Variants in PALS2 observed in about 807,000 individuals in gnomAD.
PALS2 encodes the protein protein PALS2.
PALS2 carries 27 observed loss-of-function variants against 61.6 expected under a neutral mutation model. The ratio of observed to expected loss-of-function variants is 0.44; its 90% CI spans 0.32 to 0.60. The LOEUF is 0.60. PALS2 is among the 20% of genes least tolerant of loss of function. The pLI, the probability that PALS2 is intolerant of heterozygous loss-of-function variation, is 0.05. For synonymous variants in PALS2, 236 were observed against 218.6 expected (o/e 1.08, Z -0.70); for missense variants, 554 against 639.4 (o/e 0.87, Z 1.44).
At chr7:24,662,928 CT>C (rs1262517165) in intron 5 of PALS2, among the ~76,000 whole-genome samples, 1 of 152,068 alleles carries the variant, frequency 6.6e-6, no homozygotes. Flanking sequence ...ACAGTGTTAA[CT>C]GACATACTTT....
intron 6 of PALS2, among the ~76,000 whole-genome samples, chr7:24,664,685 AC>A (rs2128087138): frequency 6.6e-6 from 1 of 152,276 alleles, no homozygotes; most frequent in East Asian, 1.9e-4. Flanking sequence ...ATGTGTTGAG[AC>A]AGCTAAGAAA....
chr7:24,578,593 A>G (rs867463162), intron 1 of PALS2, among the ~76,000 whole-genome samples: 1 of 152,182 alleles, frequency 6.6e-6, no homozygotes, highest in Non-Finnish European at 1.5e-5. Context: ...CTCTTGCTGC[A>G]GAGGACCACT....
chr7:24,657,961 T>C (rs2128083207), intron 5 of PALS2, among the ~76,000 whole-genome samples: 1 of 152,264 alleles, frequency 6.6e-6, no homozygotes, highest in South Asian at 2.1e-4. Context: ...AAAGACTATT[T>C]CTTTCATCAA....
chr7:24,632,495 G>T (rs1330614964), intron 2 of PALS2, among the ~76,000 whole-genome samples: 1 of 152,106 alleles, frequency 6.6e-6, no homozygotes, highest in African/African-American at 2.4e-5. Context: ...CGATTCCCTG[G>T]TTCAAGCAAT....
chr7:24,675,425 T>C (rs944164892), intron 9 of PALS2, among the ~76,000 whole-genome samples: 1 of 151,494 alleles, frequency 6.6e-6, no homozygotes, highest in Non-Finnish European at 1.5e-5. Context: ...AGTTTTAGGG[T>C]ACATGTGCAC....
chr7:24,688,720 A>G lies in PALS2; in HGVS notation c.*1106A>G, dbSNP rs1054124569. Reference sequence around the variant, plus strand: ...TATTTTGTATACATACACACAAAATATATACATTATATAATATGTATATTA... The same window carrying G: ...TATTTTGTATACATACACACAAAATGTATACATTATATAATATGTATATTA... On this transcript the variant is annotated 3_prime_UTR_variant, in exon 12 of 12. Coordinates refer to ENST00000222644, the MANE Select transcript of PALS2 (RefSeq NM_001303037.2). 1 of 149,920 alleles carries G rather than the reference A, an allele frequency of 6.7e-6. No individual in the cohort carries two copies. Among genetic ancestry groups the G allele is most frequent in the Non-Finnish European group, 1.5e-5 (1 of 67,572 alleles). 9.3% of individuals were successfully genotyped at this position (149,920 alleles called of 1,614,324 possible). A position where few individuals can be genotyped will look rare whatever the true frequency, so the allele number is the denominator to read the frequency against.
At chr7:24,676,440 A>G (rs1787598682) in intron 9 of PALS2, among the ~76,000 whole-genome samples, 1 of 151,980 alleles carries the variant, frequency 6.6e-6, no homozygotes, top group Non-Finnish European at 1.5e-5. Flanking sequence ...TTAGACATGA[A>G]GTGCTTGCCC....
intron 1 of PALS2, among the ~76,000 whole-genome samples, chr7:24,589,943 G>A (rs1448415164): frequency 1.3e-5 from 2 of 152,124 alleles, no homozygotes; most frequent in African/African-American, 4.8e-5. Flanking sequence ...ACACTACTCA[G>A]TGTTTAGTGT....
chr7:24,643,992 G>A (rs1356683551), intron 3 of PALS2, among the ~76,000 whole-genome samples: 1 of 151,318 alleles, frequency 6.6e-6, no homozygotes, highest in Non-Finnish European at 1.5e-5. Context: ...GTAATCAATT[G>A]TGTTTTTATC....
chr7:24,575,042 A>G (rs569223296), intron 1 of PALS2, among the ~76,000 whole-genome samples: 1 of 152,140 alleles, frequency 6.6e-6, no homozygotes, highest in Non-Finnish European at 1.5e-5. Context: ...CCTTAAATCT[A>G]TCATATATTT....
At chr7:24,614,275 T>G (rs996382776) in intron 1 of PALS2, among the ~76,000 whole-genome samples, 1 of 151,932 alleles carries the variant, frequency 6.6e-6, no homozygotes, top group Non-Finnish European at 1.5e-5. Context: ...TTTTCAGTTA[T>G]TATAAATATA....
intron 3 of PALS2, among the ~76,000 whole-genome samples, chr7:24,645,716 C>T (rs1252013566): frequency 1.3e-5 from 2 of 152,130 alleles, no homozygotes; most frequent in Non-Finnish European, 2.9e-5. Context: ...GCAGTGTAGC[C>T]ATTTTAATAA....
intron 3 of PALS2, among the ~76,000 whole-genome samples, chr7:24,643,819 T>G (rs570690513): frequency 6.6e-6 from 1 of 152,256 alleles, no homozygotes; most frequent in African/African-American, 2.4e-5. Flanking sequence ...AGTTGATGAT[T>G]CAAGTTGATT....
intron 1 of PALS2, among the ~76,000 whole-genome samples, chr7:24,585,988 A>G (rs1783051618): frequency 6.6e-6 from 1 of 152,184 alleles, no homozygotes; most frequent in Non-Finnish European, 1.5e-5. Flanking sequence ...AAAAAGAGCA[A>G]CTTAGAATTT....
chr7:24,578,900 G>C lies in PALS2; in HGVS notation c.-3+5307G>C, dbSNP rs535118145. Among the ~76,000 whole-genome samples the C allele has an allele frequency of 3.9e-5, 6 of 152,228 alleles. 1 individual carries two copies. In the South Asian group the frequency reaches 1.2e-3, roughly 32 times the overall value. Reference sequence around the variant, plus strand: ...GTATCTGAAAAGCACTCTTCCTGGAGATATAGAAAAGAAATGTGATATCTT... The same window carrying C: ...GTATCTGAAAAGCACTCTTCCTGGACATATAGAAAAGAAATGTGATATCTT... On this transcript the variant is annotated intron_variant, in intron 1 of 11. Coordinates refer to ENST00000222644, the MANE Select transcript of PALS2 (RefSeq NM_001303037.2).
chr7:24,581,595 C>G (rs1344877515), intron 1 of PALS2, among the ~76,000 whole-genome samples: 1 of 152,166 alleles, frequency 6.6e-6, no homozygotes. Context: ...GCTGAACAAT[C>G]TCCAGGAATA....
At chr7:24,675,553 C>T (rs573758699) in intron 9 of PALS2, among the ~76,000 whole-genome samples, 2 of 118,096 alleles carry the variant, frequency 1.7e-5, no homozygotes, top group Non-Finnish European at 1.7e-5. Context: ...CCCCCCACCC[C>T]ACAACAGTCC....
At chr7:24,580,214 A>G (rs1356902721) in intron 1 of PALS2, among the ~76,000 whole-genome samples, 2 of 152,196 alleles carry the variant, frequency 1.3e-5, no homozygotes, top group Admixed American at 1.3e-4. Flanking sequence ...GGTCATTTTT[A>G]CCATGAAGTG....
chr7:24,668,516 A>G lies in PALS2; in HGVS notation c.970A>G (p.Ile324Val), dbSNP rs1451639163. 5 of 1,612,510 alleles carry G rather than the reference A, an allele frequency of 3.1e-6. No homozygotes were observed. The highest frequency in any genetic ancestry group is 1.1e-5 in the South Asian group (1 of 90,852). ...TRNAEFDRHE[I>V]QIYEEVAKMP... ...TCATTTAGAATTTGATCGTCATGAA[A>G]TCCAGATATATGAGGAGGTAGCCAA... Residue 324 changes from isoleucine to valine, a missense_variant, in exon 9 of 12, where the codon ATC becomes GTC. Physicochemically the swap from Ile to Val is conservative, Grantham distance 29. Transcript: ENST00000222644.
Sources: gnomAD v4.1 joint callset for allele counts (sites outside exome capture counted in the v4.1 genomes callset) on GRCh38, gnomAD v4.1.1 for gene constraint, MANE v1.5 for transcripts, NCBI Gene and HGNC (gene_info 2026-07-23, HGNC 2026-07-21) for gene names.